Variants in SGCZ observed in about 807,000 individuals in gnomAD.
SGCZ encodes the protein sarcoglycan zeta.
In SGCZ, 40 loss-of-function variants were observed where a neutral mutation model predicts 41.3. The ratio of observed to expected loss-of-function variants is 0.97; its 90% CI spans 0.75 to 1.26. The LOEUF (loss-of-function observed/expected upper bound fraction) is 1.26, where lower values mean the gene tolerates loss of function less well. Among genes scored for constraint, SGCZ ranks in the 50% most tolerant of loss-of-function variants. SGCZ has a pLI of 0.00. For missense variants in SGCZ, 552 were observed against 369.8 expected, an observed-to-expected ratio of 1.49 and a Z score of -4.04; for synonymous variants, 206 against 137.5, an observed-to-expected ratio of 1.50 and a Z score of -3.49.
intron 1 of SGCZ, among the ~76,000 whole-genome samples, chr8:14,952,253 G>T (rs150133298): frequency 6.6e-6 from 1 of 151,790 alleles, no homozygotes; most frequent in Non-Finnish European, 1.5e-5. Context: ...GCATCTCTTG[G>T]CTTACAGGTT....
At chr8:14,450,208 G>A (rs1281687907) in intron 2 of SGCZ, among the ~76,000 whole-genome samples, 1 of 152,166 alleles carries the variant, frequency 6.6e-6, no homozygotes, top group African/African-American at 2.4e-5. Context: ...CCCTCAACGA[G>A]GGTCTCTACT....
At position 14,597,286 on chromosome 8, in the gene SGCZ, G is replaced by T. The variant is rs79168244; in HGVS notation, c.40-42360C>A. 7.6e-3 allele frequency among the ~76,000 whole-genome samples: 1,164 copies of T among 152,282 alleles called. 15 individuals are homozygous for T. The highest frequency in any genetic ancestry group is 0.024 in the African/African-American group (986 of 41,566). ...ACTTTGGTGTGTGGCACTATGTGAA[G>T]TCCTATATGGAGGGCATACAAAAGT... is the stretch of plus-strand genomic sequence containing the variant. On this transcript the variant is annotated intron_variant, in intron 1 of 7. Coordinates refer to ENST00000382080, the MANE Select transcript of SGCZ (RefSeq NM_139167.4).
Position 14,117,304 on chromosome 8 carries a change from A to G in SGCZ, c.548-9069T>C, listed in dbSNP as rs534934497. Among the ~76,000 whole-genome samples the G allele has an allele frequency of 2.6e-5, 4 of 151,926 alleles. No individual in the cohort carries two copies. The South Asian group carries it at 6.2e-4, about 24-fold the overall frequency. On this transcript the variant is annotated intron_variant, in intron 5 of 7. Transcript: ENST00000382080. ...GGGAATCCCTTGATCCACTTAGCAA[A>G]TATCTCACCATGAACAGGGTAAACA... is the stretch of plus-strand genomic sequence containing the variant.
At chr8:14,839,219 A>C (rs1428129584) in intron 1 of SGCZ, among the ~76,000 whole-genome samples, 1 of 152,074 alleles carries the variant, frequency 6.6e-6, no homozygotes, top group African/African-American at 2.4e-5. Flanking sequence ...AAAATATTTG[A>C]TATGGGGTAT....
At chr8:14,133,239 T>C (rs144972256) in intron 5 of SGCZ, among the ~76,000 whole-genome samples, 1 of 152,326 alleles carries the variant, frequency 6.6e-6, no homozygotes, top group Non-Finnish European at 1.5e-5. Context: ...CATGTGATTC[T>C]GAACGTCCCA....
chr8:15,237,807 A>G lies in SGCZ; in HGVS notation c.-184T>C. On this transcript the variant is annotated 5_prime_UTR_variant, in exon 1 of 8. Transcript: ENST00000382080. ...AAAATAAGGAAAATAAATAAATAATAATGATAATTCACTTTATTTTACTTC... is the reference window on the plus strand; with the variant it reads ...AAAATAAGGAAAATAAATAAATAATGATGATAATTCACTTTATTTTACTTC... 1.7e-6 allele frequency: 1 copy of G among 576,690 alleles called. No individual in the cohort carries two copies. Among genetic ancestry groups the G allele is most frequent in the South Asian group, 2.3e-5 (1 of 42,800 alleles). 35.7% of individuals were successfully genotyped at this position (576,690 alleles called of 1,614,324 possible). A position where few individuals can be genotyped will look rare whatever the true frequency, so the allele number is the denominator to read the frequency against.
chr8:14,538,749 T>C (rs1158785752), intron 2 of SGCZ, among the ~76,000 whole-genome samples: 1 of 151,826 alleles, frequency 6.6e-6, no homozygotes, highest in Non-Finnish European at 1.5e-5. Context: ...AGGCATGAAT[T>C]AGGTTGTAAA....
chr8:14,862,417 C>T (rs1803782406), intron 1 of SGCZ, among the ~76,000 whole-genome samples: 1 of 151,554 alleles, frequency 6.6e-6, no homozygotes, highest in Admixed American at 6.6e-5. Context: ...TGCGTTTAGT[C>T]ACCATATGCA....
intron 3 of SGCZ, among the ~76,000 whole-genome samples, chr8:14,292,293 C>T (rs12114757): frequency 0.74 from 112,429 of 151,772 alleles, 42,062 homozygotes; most frequent in Non-Finnish European, 0.78. Context: ...TAATCTGGGG[C>T]AGACATGAGA....
chr8:14,397,733 C>A (rs11992247), intron 2 of SGCZ, among the ~76,000 whole-genome samples: 12,997 of 152,094 alleles, frequency 0.085, 985 homozygotes, highest in African/African-American at 0.2. Context: ...AGGAAATCTT[C>A]CCAGTATTGC....
At chr8:14,309,572 G>T (rs1801459954) in intron 3 of SGCZ, 2 of 1,610,668 alleles carry the variant, frequency 1.2e-6, no homozygotes, top group Non-Finnish European at 1.7e-6. Flanking sequence ...GGTATAACAA[G>T]GAAAGGTTAG....
chr8:14,332,903 A>G (rs896548979), intron 2 of SGCZ, among the ~76,000 whole-genome samples: 5 of 148,464 alleles, frequency 3.4e-5, no homozygotes, highest in Non-Finnish European at 6.0e-5. Flanking sequence ...GTGTCTATAT[A>G]TCTATACACA....
chr8:14,489,005 A>G (rs1801763832), intron 2 of SGCZ, among the ~76,000 whole-genome samples: 1 of 148,144 alleles, frequency 6.8e-6, no homozygotes, highest in Non-Finnish European at 1.5e-5. Context: ...ATATATATGT[A>G]TATATATAAT....
At chr8:14,621,437 A>T (rs559590325) in intron 1 of SGCZ, among the ~76,000 whole-genome samples, 6 of 152,070 alleles carry the variant, frequency 3.9e-5, no homozygotes, top group African/African-American at 1.4e-4. Flanking sequence ...AAAGTATAAT[A>T]AAAAAATAAA....
At chr8:14,994,223 C>T (rs141657181) in intron 1 of SGCZ, among the ~76,000 whole-genome samples, 1 of 152,248 alleles carries the variant, frequency 6.6e-6, no homozygotes, top group African/African-American at 2.4e-5. Context: ...GTTACAGAAC[C>T]ATGGGCATCT....
intron 1 of SGCZ, among the ~76,000 whole-genome samples, chr8:15,049,132 A>G (rs1007582235): frequency 2.9e-4 from 44 of 152,184 alleles, no homozygotes; most frequent in African/African-American, 9.7e-4. Context: ...AAAGGATATG[A>G]AGATCTTAAA....
intron 1 of SGCZ, among the ~76,000 whole-genome samples, chr8:14,860,427 G>A (rs1274754301): frequency 6.6e-6 from 1 of 151,112 alleles, no homozygotes; most frequent in Non-Finnish European, 1.5e-5. Context: ...GAAAAATGGA[G>A]GGAGGGAGAG....
In SGCZ at chr8:15,019,915, T is replaced by C. The variant is rs144522697; in HGVS notation, c.39+217670A>G. On this transcript the variant is annotated intron_variant, in intron 1 of 7. Transcript: ENST00000382080. ...CAAGTAGTCTCATGCAGATTAGCTT[T>C]GCATTCAGGGATTAGGTAGAACTGG... Among the ~76,000 whole-genome samples the C allele has an allele frequency of 6.0e-3, 912 of 150,794 alleles. 47 individuals are homozygous for C. The highest frequency in any genetic ancestry group is 0.055 in the Admixed American group (823 of 15,002).
At chr8:14,195,453 T>C (rs530823488) in intron 4 of SGCZ, among the ~76,000 whole-genome samples, 5 of 152,172 alleles carry the variant, frequency 3.3e-5, no homozygotes, top group Admixed American at 1.3e-4. Context: ...TTGGAGTCTC[T>C]GAGGAAGAAC....
Sources: gnomAD v4.1 joint callset for allele counts (sites outside exome capture counted in the v4.1 genomes callset) on GRCh38, gnomAD v4.1.1 for gene constraint, MANE v1.5 for transcripts, NCBI Gene and HGNC (gene_info 2026-07-23, HGNC 2026-07-21) for gene names.